RC3H1: variants seen among roughly 807,000 people sequenced by gnomAD.
RC3H1 encodes roquin-1.
Under a neutral mutation model 138.2 loss-of-function variants are expected in RC3H1, and 50 were observed. The observed-to-expected ratio is 0.36, with a 90% confidence interval of 0.29 to 0.46. The LOEUF is 0.46. RC3H1 is among the 20% of genes least tolerant of loss of function. The pLI is 1.00. For synonymous variants in RC3H1, 462 were observed against 489.1 expected, an observed-to-expected ratio of 0.94 and a Z score of 0.73; for missense variants, 1,031 against 1,388.1, an observed-to-expected ratio of 0.74 and a Z score of 4.09.
At chr1:173,992,300 A>G (rs917569990) in intron 2 of RC3H1, among the ~76,000 whole-genome samples, 1 of 151,964 alleles carries the variant, frequency 6.6e-6, no homozygotes, top group African/African-American at 2.4e-5. Context: ...ACACACCACC[A>G]CACCCAGCTC....
At chr1:173,982,695 C>A in intron 5 of RC3H1, 32 bp downstream of exon 5, 1 of 1,520,824 alleles carries the variant, frequency 6.6e-7, no homozygotes, top group Non-Finnish European at 8.8e-7. Context: ...ACAATATTTC[C>A]TTTCAAGCTG....
chr1:174,007,738 G>A (rs1218525997), intron 1 of RC3H1, among the ~76,000 whole-genome samples: 1 of 152,160 alleles, frequency 6.6e-6, no homozygotes, highest in African/African-American at 2.4e-5. Flanking sequence ...GATGTCAGGT[G>A]TGAGCCACCG....
In RC3H1 at chr1:173,983,483, G is replaced by A. The variant is rs1571221245; in HGVS notation, c.527C>T (p.Pro176Leu). 1.2e-6 allele frequency: 2 copies of A among 1,614,180 alleles called. No homozygotes were observed. The highest frequency in any genetic ancestry group is 1.7e-6 in the Non-Finnish European group (2 of 1,180,032). Reference sequence around the variant, plus strand: ...CCAAAGATTGGAAGAGAGTTGCTGAGGATTCTGGTGCTGGAGAATGAGCTC... The same window carrying A: ...CCAAAGATTGGAAGAGAGTTGCTGAAGATTCTGGTGCTGGAGAATGAGCTC... ...VTELILQHQN[P>L]QQLSSNLWAA... The change falls in exon 4 of 20, where the codon CCT becomes CTT. Residue 176 changes from proline to leucine, a missense_variant. Physicochemically the swap from Pro to Leu is moderately conservative, Grantham distance 98 (BLOSUM62 -3). Transcript: ENST00000367696.
chr1:173,936,726 CAT>C lies in RC3H1; in HGVS notation c.*1993_*1994del, dbSNP rs1415979299. 9 of 34,592 alleles carry C rather than the reference CAT, an allele frequency of 2.6e-4. No individual in the cohort carries two copies. In the East Asian group the frequency reaches 3.0e-3, roughly 12 times the overall value. 2.1% of individuals were successfully genotyped at this position (34,592 alleles called of 1,614,324 possible). On this transcript the variant is annotated 3_prime_UTR_variant, in exon 20 of 20. Coordinates refer to ENST00000367696, the MANE Select transcript of RC3H1 (RefSeq NM_172071.4). The stretch of plus-strand genomic sequence containing the variant: ...CAAAAGCCAAAAAAAAAAGAAAAAG[CAT>C]ACATATATATATATATATATATATA...
At position 173,962,114 on chromosome 1, in the gene RC3H1, G is replaced by C. The variant is rs749155415; in HGVS notation, c.1832-19C>G. ...TACATACCTGCACAATACAAAAGAG[G>C]ACCCAAAAGCAAATAATGAGCCAAT... On this transcript the variant is annotated intron_variant, in intron 11 of 19. Coordinates refer to ENST00000367696, the MANE Select transcript of RC3H1 (RefSeq NM_172071.4). 1.3e-6 allele frequency: 2 copies of C among 1,562,060 alleles called. No homozygotes were observed. Among genetic ancestry groups the C allele is most frequent in the African/African-American group, 1.4e-5 (1 of 73,578 alleles).
chr1:173,986,142 C>T (rs1023871696), intron 2 of RC3H1, among the ~76,000 whole-genome samples: 15 of 151,954 alleles, frequency 9.9e-5, no homozygotes, highest in African/African-American at 3.4e-4. Context: ...CTGCCTCAGC[C>T]TCCCAAGTAG....
chr1:174,011,431 A>T (rs1392634614), intron 1 of RC3H1, among the ~76,000 whole-genome samples: 5 of 152,164 alleles, frequency 3.3e-5, no homozygotes, highest in Non-Finnish European at 7.4e-5. Flanking sequence ...TGACATATAA[A>T]ATATGGGTTT....
At position 174,017,783 on chromosome 1, in the gene RC3H1, C is replaced by CAAAAA. The variant is rs61239660; in HGVS notation, c.-151+4308_-151+4312dup. Among the ~76,000 whole-genome samples the CAAAAA allele has an allele frequency of 1.2e-3, 83 of 72,020 alleles. 10 individuals are homozygous for CAAAAA. Among genetic ancestry groups the CAAAAA allele is most frequent in the African/African-American group, 4.5e-3 (78 of 17,524 alleles). The allele number at this position is 72,020 out of a possible 152,430, so 47.2% of individuals were successfully genotyped here. The stretch of plus-strand genomic sequence containing the variant: ...ACCCCTTTAGAACTCTTTTCTTGCT[C>CAAAAA]AAAAAAAAAAAAAAAAAAAAAAAAA... On this transcript the variant is annotated intron_variant, in intron 1 of 19. Transcript: ENST00000367696.
intron 11 of RC3H1, 92 bp from the exon 12 acceptor site, chr1:173,962,187 A>C (rs1417046632): frequency 1.7e-6 from 2 of 1,171,050 alleles, no homozygotes; most frequent in Non-Finnish European, 2.4e-6. Context: ...GAAACACTAA[A>C]GTATTGATAA....
intron 7 of RC3H1, among the ~76,000 whole-genome samples, chr1:173,977,203 C>T (rs961477561): frequency 6.6e-6 from 1 of 151,928 alleles, no homozygotes; most frequent in Admixed American, 6.6e-5. Flanking sequence ...GGATTACAGG[C>T]GTAAGCCACT....
chr1:173,957,302 C>T (rs1659689918), intron 13 of RC3H1, among the ~76,000 whole-genome samples: 2 of 152,006 alleles, frequency 1.3e-5, no homozygotes, highest in South Asian at 4.1e-4. Flanking sequence ...ATGAGGTAGG[C>T]TTTATTATGT....
At position 173,946,487 on chromosome 1, in the gene RC3H1, G is replaced by A. The variant is rs150020386; in HGVS notation, c.2950C>T (p.Arg984Cys). The A allele has an allele frequency of 7.1e-5, 115 of 1,613,976 alleles. No individual in the cohort carries two copies. Among genetic ancestry groups the A allele is most frequent in the South Asian group, 2.2e-4 (20 of 91,070 alleles). Reference protein sequence around the residue: ...NHQISQQTQLRGLEAVSNRLV... With the variant: ...NHQISQQTQLCGLEAVSNRLV... ...CTCTAGGCTGGTACCTCTAGTCCACGTAGCTGGGTCTGCTGGCTAATCTGA... is the reference window on the plus strand; with the variant it reads ...CTCTAGGCTGGTACCTCTAGTCCACATAGCTGGGTCTGCTGGCTAATCTGA... The change falls in exon 17 of 20, where the codon CGT (arginine) becomes TGT (cysteine). Residue 984 changes from arginine to cysteine, a missense_variant. Physicochemically the swap from Arg to Cys is radical, Grantham distance 180. Transcript: ENST00000367696.
rs140211203 is a variant in RC3H1, at chr1:173,954,788, C to T, written c.2371-2650G>A. ...CACCAGCCTGGGCAACACAGCAAGACCCTGTCTCTTTTTTAAGAAAACAGA... is the reference window on the plus strand; with the variant it reads ...CACCAGCCTGGGCAACACAGCAAGATCCTGTCTCTTTTTTAAGAAAACAGA... On this transcript the variant is annotated intron_variant, in intron 13 of 19. Transcript: ENST00000367696. 1.8e-4 allele frequency among the ~76,000 whole-genome samples: 27 copies of T among 152,168 alleles called. 1 individual carries two copies. Among genetic ancestry groups the T allele is most frequent in the African/African-American group, 6.3e-4 (26 of 41,522 alleles).
intron 1 of RC3H1, among the ~76,000 whole-genome samples, chr1:174,002,075 TA>T (rs1233794198): frequency 1.3e-5 from 2 of 151,974 alleles, no homozygotes; most frequent in Non-Finnish European, 2.9e-5. Context: ...GCGGGGGAGG[TA>T]AAAGTTGACA....
rs567219972 is a variant in RC3H1, at chr1:173,947,883, C to T, written c.2524-301G>A. ...TCAGCCTCCTAGGTAGCTGGGACTA[C>T]AGGCATGTACCAGCACACCCAGCTA... is the stretch of plus-strand genomic sequence containing the variant. On this transcript the variant is annotated intron_variant, in intron 14 of 19. Coordinates refer to ENST00000367696, the MANE Select transcript of RC3H1 (RefSeq NM_172071.4). Among the ~76,000 whole-genome samples, 3 of 152,034 alleles carry T rather than the reference C, an allele frequency of 2.0e-5. No homozygotes were observed. In the South Asian group the frequency reaches 6.2e-4, roughly 32 times the overall value.
chr1:173,942,752 C>A (rs557461175), intron 18 of RC3H1, among the ~76,000 whole-genome samples: 1 of 151,978 alleles, frequency 6.6e-6, no homozygotes, highest in East Asian at 1.9e-4. Context: ...ATGGCGTGAA[C>A]CCGGGAGGCA....
At chr1:173,951,286 T>C (rs528399209) in intron 14 of RC3H1, among the ~76,000 whole-genome samples, 1 of 152,092 alleles carries the variant, frequency 6.6e-6, no homozygotes, top group Non-Finnish European at 1.5e-5. Context: ...GATCGCGCCA[T>C]TGAACTCCAG....
chr1:173,944,566 A>G (rs909721702), intron 17 of RC3H1, among the ~76,000 whole-genome samples: 1 of 152,352 alleles, frequency 6.6e-6, no homozygotes, highest in Non-Finnish European at 1.5e-5. Context: ...CTTAAAGTAT[A>G]TAAAACAAAC....
In RC3H1 at chr1:173,966,786, G is replaced by A. The variant is rs923048307; in HGVS notation, c.1335-1666C>T. Among the ~76,000 whole-genome samples the A allele has an allele frequency of 5.9e-5, 9 of 151,904 alleles. No homozygotes were observed. In the South Asian group the frequency reaches 6.2e-4, roughly 11 times the overall value. ...CAGAGTAATAATGCTATTTTTCCAC[G>A]TTTCCCAAAACTGACAAATTTCTGA... On this transcript the variant is annotated intron_variant, in intron 9 of 19. Transcript: ENST00000367696.
Sources: gnomAD v4.1 joint callset for allele counts (sites outside exome capture counted in the v4.1 genomes callset) on GRCh38, gnomAD v4.1.1 for gene constraint, MANE v1.5 for transcripts, NCBI Gene and HGNC (gene_info 2026-07-23, HGNC 2026-07-21) for gene names.